Variants in SMC5 observed in about 807,000 individuals in gnomAD.
SMC5 encodes structural maintenance of chromosomes 5.
A neutral mutation model predicts 148.3 loss-of-function variants in SMC5; 88 were observed. The observed-to-expected ratio is 0.59, with a 90% CI of 0.50 to 0.71. The LOEUF (loss-of-function observed/expected upper bound fraction) is 0.71, where lower values mean the gene tolerates loss of function less well. Ranked by LOEUF, SMC5 falls within the 30% of genes least tolerant of loss-of-function variation. SMC5 has a pLI of 0.00. For missense variants in SMC5, 1,142 were observed against 1,298.9 expected (o/e 0.88, Z 1.86); for synonymous variants, 421 against 432.8 (o/e 0.97, Z 0.34).
chr9:70,346,634 C>G lies in SMC5; in HGVS notation c.2553C>G (p.Asn851Lys), dbSNP rs931647307. 1 of 1,614,034 alleles carries G rather than the reference C, an allele frequency of 6.2e-7. No individual in the cohort carries two copies. Among genetic ancestry groups the G allele is most frequent in the South Asian group, 1.1e-5 (1 of 91,078 alleles). The change falls in exon 19 of 25, where the codon AAC (asparagine) becomes AAG (lysine). Residue 851 changes from asparagine (N) to lysine (K), a missense_variant. By Grantham distance (94) the Asn-to-Lys change is moderately conservative. Around this residue, in one of 5 missense-constraint regions of SMC5, gnomAD observed 743 missense variants for 835.7 expected, o/e 0.89. Transcript: ENST00000361138. ...TACCCACCATTCCAAATGGACACAA[C>G]TCCTCACTCCCCATGGTATGCAGTA... Reference protein sequence around the residue: ...TQVPTIPNGHNSSLPMVFQDL... With the variant: ...TQVPTIPNGHKSSLPMVFQDL...
At chr9:70,300,720 T>A (rs1174546032) in intron 10 of SMC5, among the ~76,000 whole-genome samples, 1 of 152,134 alleles carries the variant, frequency 6.6e-6, no homozygotes, top group African/African-American at 2.4e-5. Context: ...GAAGCTATAT[T>A]TAATAAATCG....
intron 24 of SMC5, 40 bp from the exon 25 acceptor site, chr9:70,352,151 A>G: frequency 6.6e-7 from 1 of 1,520,816 alleles, no homozygotes; most frequent in Non-Finnish European, 8.9e-7. Context: ...TATACTTCTC[A>G]GTATATAGCT....
intron 4 of SMC5, among the ~76,000 whole-genome samples, chr9:70,278,102 G>T (rs2034644472): frequency 6.6e-6 from 1 of 151,942 alleles, no homozygotes; most frequent in Non-Finnish European, 1.5e-5. Flanking sequence ...CTTACCAGCT[G>T]ATGTCAGATT....
chr9:70,271,072 A>G (rs889472621), intron 3 of SMC5, among the ~76,000 whole-genome samples: 3 of 150,552 alleles, frequency 2.0e-5, no homozygotes, highest in East Asian at 2.0e-4. Context: ...AACATCCCCA[A>G]TCTGAAAATC....
chr9:70,297,938 A>G (rs781676744), intron 8 of SMC5, 28 bp from the exon 9 acceptor site: 22 of 1,595,610 alleles, frequency 1.4e-5, no homozygotes, highest in African/African-American at 4.1e-5. Context: ...AAACAGTCTC[A>G]AGTACTAACC....
At chr9:70,325,389 A>C (rs2036052527) in intron 17 of SMC5, among the ~76,000 whole-genome samples, 1 of 152,240 alleles carries the variant, frequency 6.6e-6, no homozygotes, top group African/African-American at 2.4e-5. Flanking sequence ...GCATGGTATC[A>C]GCAAGGGAGG....
Position 70,346,593 on chromosome 9 carries a change from C to T in SMC5, c.2524-12C>T. The T allele has an allele frequency of 6.2e-7, 1 of 1,613,786 alleles. No homozygotes were observed. Among genetic ancestry groups the T allele is most frequent in the Non-Finnish European group, 8.5e-7 (1 of 1,179,736 alleles). ...ATGCCCCACATATTCTGGACCCATTCTACCAATTCAGCAAGTACCCACCAT... is the reference window on the plus strand; with the variant it reads ...ATGCCCCACATATTCTGGACCCATTTTACCAATTCAGCAAGTACCCACCAT... On this transcript the variant is annotated splice_polypyrimidine_tract_variant and intron_variant, in intron 18 of 24. Coordinates refer to ENST00000361138, the MANE Select transcript of SMC5 (RefSeq NM_015110.4).
At position 70,280,080 on chromosome 9, in the gene SMC5, G is replaced by A. The variant is rs144028898; in HGVS notation, c.679-679G>A. The stretch of plus-strand genomic sequence containing the variant: ...AATGTTTTTATTATACTTATTCAAA[G>A]TGAATAATCAAAGGAGTTGTTCTGA... On this transcript the variant is annotated intron_variant, in intron 5 of 24. Transcript: ENST00000361138. 5.4e-3 allele frequency among the ~76,000 whole-genome samples: 823 copies of A among 152,224 alleles called. 6 individuals carry two copies. Among genetic ancestry groups the A allele is most frequent in the African/African-American group, 0.019 (791 of 41,552 alleles).
intron 17 of SMC5, among the ~76,000 whole-genome samples, chr9:70,328,438 G>A (rs1304290875): frequency 6.6e-6 from 1 of 152,122 alleles, no homozygotes. Context: ...GGAACTACAG[G>A]CCCCACACAT....
chr9:70,350,208 A>C lies in SMC5; in HGVS notation c.2984A>C (p.Glu995Ala), dbSNP rs1362217315. ...ELTPHHQSGG[E>A]RSVSTMLYLM... ...ACTCCTCATCATCAAAGTGGAGGTG[A>C]AAGAAGTGTTTCTACCATGTTATAC... Residue 995 changes from glutamate (E) to alanine (A), a missense_variant, in exon 23 of 25, where the codon GAA becomes GCA. Transcript: ENST00000361138. 1 of 1,613,544 alleles carries C rather than the reference A, an allele frequency of 6.2e-7. No individual in the cohort carries two copies. Among genetic ancestry groups the C allele is most frequent in the Non-Finnish European group, 8.5e-7 (1 of 1,179,758 alleles).
At chr9:70,339,346 G>A (rs368423653) in intron 17 of SMC5, among the ~76,000 whole-genome samples, 3 of 151,744 alleles carry the variant, frequency 2.0e-5, no homozygotes, top group Non-Finnish European at 4.4e-5. Flanking sequence ...GGAGAATGGC[G>A]TGAATCTGGG....
intron 17 of SMC5, among the ~76,000 whole-genome samples, chr9:70,326,381 A>G (rs2036076144): frequency 6.6e-6 from 1 of 152,232 alleles, no homozygotes; most frequent in Non-Finnish European, 1.5e-5. Flanking sequence ...ACTTACGTAA[A>G]TGGATGAGCA....
At chr9:70,296,435 G>A (rs1017982410) in intron 8 of SMC5, among the ~76,000 whole-genome samples, 3 of 152,020 alleles carry the variant, frequency 2.0e-5, no homozygotes, top group South Asian at 2.1e-4. Context: ...GGTGGCACAC[G>A]CCTGTGGTCC....
intron 11 of SMC5, among the ~76,000 whole-genome samples, chr9:70,309,317 C>CTTTTTT (rs1564050219): frequency 6.3e-5 from 3 of 47,326 alleles, no homozygotes; most frequent in East Asian, 6.6e-4. Context: ...TTTTCCTTTT[C>CTTTTTT]CTTTTTTTTT....
At chr9:70,278,055 CTT>C (rs1311338085) in intron 4 of SMC5, among the ~76,000 whole-genome samples, 6 of 151,960 alleles carry the variant, frequency 3.9e-5, no homozygotes, top group Admixed American at 1.3e-4. Flanking sequence ...TTAAATAAAA[CTT>C]AAACATTTTT....
chr9:70,335,386 C>T (rs547175486), intron 17 of SMC5, among the ~76,000 whole-genome samples: 24 of 152,190 alleles, frequency 1.6e-4, no homozygotes, highest in African/African-American at 5.3e-4. Flanking sequence ...ACTTGAGAGG[C>T]TGAGGTTGGA....
At chr9:70,315,308 T>TAAAA (rs35901017) in intron 12 of SMC5, 138 bp from the exon 13 acceptor site, 411,567 of 466,014 alleles carry the variant, frequency 0.88, 182,461 homozygotes, top group Non-Finnish European at 0.9. Context: ...TTTTAAAATA[T>TAAAA]AAAAGAAAAA....
intron 3 of SMC5, among the ~76,000 whole-genome samples, chr9:70,268,646 C>G (rs538026429): frequency 4.0e-5 from 6 of 148,420 alleles, no homozygotes; most frequent in South Asian, 2.1e-4. Context: ...ACTTGCTTGT[C>G]TTTAAAAAAC....
chr9:70,279,345 C>G (rs564218208), intron 5 of SMC5, among the ~76,000 whole-genome samples: 1 of 151,732 alleles, frequency 6.6e-6, no homozygotes, highest in African/African-American at 2.4e-5. Flanking sequence ...GAGACCCTGT[C>G]TCTACATGAA....
Sources: gnomAD v4.1 joint callset for allele counts (sites outside exome capture counted in the v4.1 genomes callset) on GRCh38, gnomAD v4.1.1 for gene constraint, gnomAD v4.1.1 regional missense constraint, MANE v1.5 for transcripts, NCBI Gene and HGNC (gene_info 2026-07-23, HGNC 2026-07-21) for gene names.